Variants in HOMER2 observed in about 807,000 individuals in gnomAD.
HOMER2 encodes homer protein homolog 2.
HOMER2 carries 27 observed loss-of-function variants against 47.0 expected under a neutral mutation model. The observed-to-expected ratio is 0.57, with a 90% CI of 0.42 to 0.79. HOMER2 has a LOEUF of 0.79. Ranked by LOEUF, HOMER2 falls within the 30% of genes least tolerant of loss-of-function variation. The probability of loss-of-function intolerance (pLI) is 0.00; values close to 1 mark genes in which losing one functional copy is unlikely to be tolerated. For synonymous variants in HOMER2, 161 were observed against 163.8 expected (o/e 0.98, Z 0.13); for missense variants, 443 against 435.0 (o/e 1.02, Z -0.16).
chr15:82,924,948 C>A (rs932771613), intron 1 of HOMER2, among the ~76,000 whole-genome samples: 1 of 152,218 alleles, frequency 6.6e-6, no homozygotes, highest in Non-Finnish European at 1.5e-5. Flanking sequence ...TTATTTCCCA[C>A]ACCTTTGTTC....
intron 3 of HOMER2, among the ~76,000 whole-genome samples, chr15:82,870,869 C>T (rs546095883): frequency 3.3e-5 from 5 of 152,300 alleles, no homozygotes; most frequent in African/African-American, 9.6e-5. Context: ...CATCCTGGGT[C>T]GCTCCCCATT....
intron 1 of HOMER2, among the ~76,000 whole-genome samples, chr15:82,931,746 G>A (rs994823571): frequency 6.6e-6 from 1 of 152,132 alleles, no homozygotes; most frequent in Non-Finnish European, 1.5e-5. Flanking sequence ...ACTGACGCAG[G>A]AGAATCGCTT....
At chr15:82,881,909 G>A (rs1276691258) in intron 2 of HOMER2, among the ~76,000 whole-genome samples, 1 of 152,206 alleles carries the variant, frequency 6.6e-6, no homozygotes, top group African/African-American at 2.4e-5. Context: ...AGAAGCACCT[G>A]CTTCAGGCAA....
chr15:82,952,490 C>G, intron 1 of HOMER2, 41 bp downstream of exon 1: 1 of 1,180,880 alleles, frequency 8.5e-7, no homozygotes, highest in Non-Finnish European at 1.1e-6. Flanking sequence ...GCAGTCCCTC[C>G]GGAGGGGCGC....
At chr15:82,962,159 A>G (rs1229521647) in intron 1 of HOMER2, among the ~76,000 whole-genome samples, 1 of 150,868 alleles carries the variant, frequency 6.6e-6, no homozygotes, top group African/African-American at 2.4e-5. Flanking sequence ...TCACGAGGTC[A>G]GGAGATCGAG....
At chr15:82,921,678 C>G (rs2053732673) in intron 1 of HOMER2, among the ~76,000 whole-genome samples, 1 of 152,194 alleles carries the variant, frequency 6.6e-6, no homozygotes, top group African/African-American at 2.4e-5. Flanking sequence ...ACTTCTCACT[C>G]CTGCCCTTGC....
intron 1 of HOMER2, among the ~76,000 whole-genome samples, chr15:82,893,784 G>A (rs2052808681): frequency 6.6e-6 from 1 of 152,008 alleles, no homozygotes; most frequent in South Asian, 2.1e-4. Context: ...ACCACACTTG[G>A]CTAATGTTGC....
chr15:82,842,231 A>G (rs937774969), exon 2 of HOMER2: 1 of 152,172 alleles, frequency 6.6e-6, no homozygotes, highest in African/African-American at 2.4e-5. Context: ...CTTGTGTAAA[A>G]TATGTAAATT....
intron 5 of HOMER2, among the ~76,000 whole-genome samples, chr15:82,858,122 T>G (rs1295148401): frequency 6.6e-6 from 1 of 152,206 alleles, no homozygotes; most frequent in Non-Finnish European, 1.5e-5. Flanking sequence ...CTTGTATATT[T>G]AAGTTTATTT....
chr15:82,868,176 G>T (rs1358774147), intron 3 of HOMER2, among the ~76,000 whole-genome samples: 4 of 151,822 alleles, frequency 2.6e-5, no homozygotes, highest in African/African-American at 7.3e-5. Context: ...CTTTTTAATG[G>T]TTTTTTTATT....
At chr15:82,948,552 G>A (rs989111394) in intron 1 of HOMER2, among the ~76,000 whole-genome samples, 1 of 152,214 alleles carries the variant, frequency 6.6e-6, no homozygotes, top group Non-Finnish European at 1.5e-5. Context: ...GACAGAGGGA[G>A]ACTCTGTCTC....
chr15:82,966,972 T>C (rs2054680368), intron 1 of HOMER2, among the ~76,000 whole-genome samples: 2 of 152,166 alleles, frequency 1.3e-5, no homozygotes, highest in African/African-American at 4.8e-5. Context: ...AAAAGGATGT[T>C]TGTGGCTGGA....
intron 6 of HOMER2, 23 bp downstream of exon 6, chr15:82,854,621 C>G: frequency 6.2e-7 from 1 of 1,600,052 alleles, no homozygotes; most frequent in Non-Finnish European, 8.5e-7. Flanking sequence ...GGCCTCGGGG[C>G]TCACTGCATC....
intron 1 of HOMER2, among the ~76,000 whole-genome samples, chr15:82,949,427 T>A (rs1180641113): frequency 6.6e-6 from 1 of 151,948 alleles, no homozygotes; most frequent in East Asian, 1.9e-4. Context: ...GGTGTTGTTT[T>A]GAGGAGAGGG....
intron 5 of HOMER2, among the ~76,000 whole-genome samples, 153 bp from the exon 6 acceptor site, chr15:82,854,953 T>C (rs1165349402): frequency 6.6e-6 from 1 of 152,174 alleles, no homozygotes; most frequent in Non-Finnish European, 1.5e-5. Context: ...CTGGCTACCC[T>C]GATCCAGGGC....
chr15:82,870,372 C>T (rs946941583), intron 3 of HOMER2, among the ~76,000 whole-genome samples: 1 of 152,106 alleles, frequency 6.6e-6, no homozygotes, highest in Non-Finnish European at 1.5e-5. Context: ...TGCTGTGGTA[C>T]CAGCCTCTTC....
chr15:82,882,815 CA>C (rs1327640909), intron 2 of HOMER2, among the ~76,000 whole-genome samples: 4 of 150,416 alleles, frequency 2.7e-5, no homozygotes, highest in Non-Finnish European at 5.9e-5. Flanking sequence ...CCACAGTTTA[CA>C]CAGAAGCTGA....
At chr15:82,901,688 C>A (rs2151124739) in intron 1 of HOMER2, among the ~76,000 whole-genome samples, 1 of 152,322 alleles carries the variant, frequency 6.6e-6, no homozygotes, top group East Asian at 1.9e-4. Context: ...AGCCATGGAG[C>A]CTGAGCACCA....
rs1051505020 is a variant in HOMER2 at position 82,945,945 on chromosome 15, G to A, written c.5+6586C>T. Among the ~76,000 whole-genome samples, 14 of 151,856 alleles carry A rather than the reference G, an allele frequency of 9.2e-5. 1 individual carries two copies. Among genetic ancestry groups the A allele is most frequent in the Admixed American group, 5.9e-4 (9 of 15,218 alleles). ...AAATCGCACCACTGCACTCCAGCAT[G>A]GGCAACAGAGTGAGACTCTGTCTCA... On this transcript the variant is annotated intron_variant, in intron 1 of 8. Coordinates refer to ENST00000450735, the MANE Select transcript of HOMER2 (RefSeq NM_004839.4).
Sources: allele counts gnomAD v4.1 joint callset (sites outside exome capture counted in the v4.1 genomes callset), GRCh38; gene constraint gnomAD v4.1.1; transcripts MANE v1.5; gene names NCBI Gene and HGNC (gene_info 2026-07-23, HGNC 2026-07-21).